Variants in KDM4C observed in about 807,000 individuals in gnomAD.
KDM4C encodes the protein lysine-specific demethylase 4C.
In KDM4C, 81 loss-of-function variants were observed where a neutral mutation model predicts 129.3. The ratio of observed to expected loss-of-function variants is 0.63; its 90% CI spans 0.52 to 0.75. KDM4C has a LOEUF of 0.75. KDM4C is among the 30% of genes least tolerant of loss of function. KDM4C has a pLI of 0.00. For synonymous variants in KDM4C, 573 were observed against 456.1 expected, an observed-to-expected ratio of 1.26 and a Z score of -3.26; for missense variants, 1,457 against 1,304.0, an observed-to-expected ratio of 1.12 and a Z score of -1.81.
chr9:6,925,521 C>G (rs2131251595), intron 8 of KDM4C: 1 of 886,394 alleles, frequency 1.1e-6, no homozygotes, highest in Non-Finnish European at 1.3e-6. Flanking sequence ...CTTTCAATCT[C>G]CTGGCATCAA....
intron 1 of KDM4C, among the ~76,000 whole-genome samples, chr9:6,731,028 C>T (rs1423921150): frequency 6.6e-6 from 1 of 152,178 alleles, no homozygotes; most frequent in East Asian, 1.9e-4. Context: ...TTCGCTTTAA[C>T]AATCACCCTC....
At chr9:6,895,743 T>TA (rs1398562278) in intron 8 of KDM4C, among the ~76,000 whole-genome samples, 1 of 151,928 alleles carries the variant, frequency 6.6e-6, no homozygotes, top group Non-Finnish European at 1.5e-5. Context: ...CTACAAAAAA[T>TA]AAAAACAAAA....
intron 19 of KDM4C, among the ~76,000 whole-genome samples, chr9:7,162,095 G>C (rs183453738): frequency 1.7e-4 from 26 of 152,198 alleles, no homozygotes; most frequent in African/African-American, 5.5e-4. Context: ...CCTTCCAGCT[G>C]AATGACCTGG....
chr9:7,068,686 C>CTTTT lies in KDM4C; in HGVS notation c.2424+19510_2424+19513dup, dbSNP rs542039227. 1.9e-3 allele frequency among the ~76,000 whole-genome samples: 195 copies of CTTTT among 101,728 alleles called. 5 individuals carry two copies. Among genetic ancestry groups the CTTTT allele is most frequent in the African/African-American group, 3.2e-3 (82 of 25,926 alleles). The allele number at this position is 101,728 out of a possible 152,430, so 66.7% of individuals were successfully genotyped here. ...TTCATACATGTTTATGATGCCCTTT[C>CTTTT]TTTTTTTTTTTTTTTTTTTTTTTTT... On this transcript the variant is annotated intron_variant, in intron 17 of 21. Transcript: ENST00000381309.
intron 8 of KDM4C, among the ~76,000 whole-genome samples, chr9:6,958,342 T>G (rs1829439230): frequency 6.6e-6 from 1 of 152,144 alleles, no homozygotes; most frequent in African/African-American, 2.4e-5. Flanking sequence ...ACCAGCACTT[T>G]GGGAGGCCAA....
chr9:7,122,886 T>C (rs914335990), intron 18 of KDM4C, among the ~76,000 whole-genome samples: 1 of 152,230 alleles, frequency 6.6e-6, no homozygotes. Flanking sequence ...TTCTTTAATC[T>C]GATGGATGCC....
chr9:6,855,720 C>G (rs1564169361), intron 5 of KDM4C, among the ~76,000 whole-genome samples: 2 of 152,074 alleles, frequency 1.3e-5, no homozygotes, highest in Admixed American at 1.3e-4. Context: ...TGCTTACTTA[C>G]AACTAATTAC....
At chr9:6,951,724 C>A (rs1828181695) in intron 8 of KDM4C, among the ~76,000 whole-genome samples, 1 of 152,116 alleles carries the variant, frequency 6.6e-6, no homozygotes, top group South Asian at 2.1e-4. Context: ...TGTCATTGTC[C>A]TATTTCATGC....
At chr9:7,166,947 G>A (rs945050474) in intron 20 of KDM4C, among the ~76,000 whole-genome samples, 1 of 152,152 alleles carries the variant, frequency 6.6e-6, no homozygotes, top group African/African-American at 2.4e-5. Flanking sequence ...AGATCTTTTT[G>A]TGTTTTGTGT....
At chr9:6,995,943 C>T (rs1029199771) in intron 12 of KDM4C, among the ~76,000 whole-genome samples, 1 of 152,314 alleles carries the variant, frequency 6.6e-6, no homozygotes, top group Non-Finnish European at 1.5e-5. Flanking sequence ...GCTGGGATTA[C>T]AGGCGTGAGC....
chr9:6,986,838 G>C (rs1245161558), intron 11 of KDM4C, 172 bp downstream of exon 11: 1 of 540,750 alleles, frequency 1.8e-6, no homozygotes, highest in Non-Finnish European at 3.2e-6. Flanking sequence ...CCTGTGAGCT[G>C]TGGCTCACAT....
At chr9:6,834,865 G>T in intron 4 of KDM4C, 1 of 1,333,116 alleles carries the variant, frequency 7.5e-7, no homozygotes, top group South Asian at 1.2e-5. Context: ...TGGCCATCCA[G>T]CCCGTGCTGT....
intron 17 of KDM4C, among the ~76,000 whole-genome samples, chr9:7,096,799 C>T (rs1836491663): frequency 6.6e-6 from 1 of 152,060 alleles, no homozygotes; most frequent in South Asian, 2.1e-4. Context: ...TGTAGAATTG[C>T]TTGATTGCCT....
At chr9:7,159,391 T>C (rs964435750) in intron 19 of KDM4C, among the ~76,000 whole-genome samples, 1 of 152,204 alleles carries the variant, frequency 6.6e-6, no homozygotes, top group African/African-American at 2.4e-5. Flanking sequence ...TAGCTGGTTA[T>C]TTTGCCTGTT....
intron 12 of KDM4C, among the ~76,000 whole-genome samples, chr9:7,004,882 G>T (rs1050300063): frequency 2.6e-5 from 4 of 152,146 alleles, no homozygotes; most frequent in African/African-American, 4.8e-5. Flanking sequence ...CTGCTGCGGG[G>T]TTCTGTCCTG....
intron 5 of KDM4C, among the ~76,000 whole-genome samples, chr9:6,856,576 G>GTGTGTA (rs1191135391): frequency 3.7e-5 from 5 of 135,758 alleles, no homozygotes; most frequent in African/African-American, 1.4e-4. Context: ...GTGTGTGTGT[G>GTGTGTA]TGTGTATTTT....
intron 19 of KDM4C, among the ~76,000 whole-genome samples, chr9:7,129,713 A>T (rs1213173801): frequency 6.6e-6 from 1 of 152,156 alleles, no homozygotes; most frequent in Non-Finnish European, 1.5e-5. Context: ...GTGGTTCTAT[A>T]CTTGAACTAC....
chr9:6,952,886 A>G (rs1225124150), intron 8 of KDM4C, among the ~76,000 whole-genome samples: 1 of 152,198 alleles, frequency 6.6e-6, no homozygotes, highest in Non-Finnish European at 1.5e-5. Flanking sequence ...CTTGTTACTC[A>G]ACATTTGTAC....
chr9:6,862,807 AAAACAAAC>A (rs367828705), intron 5 of KDM4C, among the ~76,000 whole-genome samples: 1,874 of 150,774 alleles, frequency 0.012, 30 homozygotes, highest in African/African-American at 0.038. Flanking sequence ...ACTTTGTCTC[AAAACAAAC>A]AAACAAACAA....
Sources: gnomAD v4.1 joint callset for allele counts (sites outside exome capture counted in the v4.1 genomes callset) on GRCh38, gnomAD v4.1.1 for gene constraint, MANE v1.5 for transcripts, NCBI Gene and HGNC (gene_info 2026-07-23, HGNC 2026-07-21) for gene names.